The following XPR1 variants were observed in gnomAD, a reference collection of about 807,000 sequenced individuals.
XPR1 encodes the protein xenotropic and polytropic retrovirus receptor 1.
XPR1 carries 28 observed loss-of-function variants against 87.5 expected under a neutral mutation model. The ratio of observed to expected loss-of-function variants is 0.32; its 90% CI spans 0.24 to 0.44. The LOEUF is 0.44. Ranked by LOEUF, XPR1 falls within the 20% of genes least tolerant of loss-of-function variation. The pLI is 1.00. For missense variants in XPR1, 559 were observed against 862.3 expected (o/e 0.65, Z 4.41); for synonymous variants, 300 against 306.1 (o/e 0.98, Z 0.21).
intron 2 of XPR1, among the ~76,000 whole-genome samples, chr1:180,730,433 G>C (rs1658512526): frequency 6.6e-6 from 1 of 152,170 alleles, no homozygotes; most frequent in Non-Finnish European, 1.5e-5. Context: ...TATTGAAACT[G>C]TGTATTCTAC....
chr1:180,747,370 T>G (rs952103876), intron 2 of XPR1, among the ~76,000 whole-genome samples: 4 of 152,220 alleles, frequency 2.6e-5, no homozygotes, highest in African/African-American at 4.8e-5. Flanking sequence ...GCACCTATTG[T>G]TTCAAGCCTC....
Position 180,825,288 on chromosome 1 carries a change from A to C in XPR1, c.1078A>C (p.Ile360Leu), listed in dbSNP as rs761320503. The part of the protein sequence containing the change: ...ALYGFMVFFL[I>L]NPTKTFYYKS... The stretch of plus-strand genomic sequence containing the variant: ...TTATGGATTTATGGTTTTCTTCCTT[A>C]TCAACCCCACCAAAACTTTCTACTA... The change falls in exon 9 of 15, where the codon ATC becomes CTC. Residue 360 changes from isoleucine (I) to leucine (L), a missense_variant. Ile to Leu is a conservative substitution (Grantham distance 5). Transcript: ENST00000367590. The C allele has an allele frequency of 6.2e-7, 1 of 1,613,924 alleles. No individual in the cohort carries two copies. The highest frequency in any genetic ancestry group is 1.1e-5 in the South Asian group (1 of 91,036).
intron 2 of XPR1, among the ~76,000 whole-genome samples, chr1:180,737,690 A>G (rs150537075): frequency 6.6e-6 from 1 of 152,358 alleles, no homozygotes; most frequent in East Asian, 1.9e-4. Context: ...AGAATGTCAT[A>G]TAAATAGAAT....
At chr1:180,660,319 GT>G (rs1241076667) in intron 1 of XPR1, among the ~76,000 whole-genome samples, 1 of 151,714 alleles carries the variant, frequency 6.6e-6, no homozygotes, top group Non-Finnish European at 1.5e-5. Context: ...CCAACTTTTT[GT>G]TTCATTAATT....
At chr1:180,662,036 G>A (rs1314518707) in intron 1 of XPR1, among the ~76,000 whole-genome samples, 1 of 152,116 alleles carries the variant, frequency 6.6e-6, no homozygotes, top group African/African-American at 2.4e-5. Context: ...ATTTTACTAT[G>A]TGTTGAAAAG....
intron 2 of XPR1, among the ~76,000 whole-genome samples, chr1:180,785,874 A>G (rs898011995): frequency 4.0e-5 from 6 of 151,694 alleles, no homozygotes; most frequent in East Asian, 1.9e-4. Context: ...TATATCAGCT[A>G]TAGCTAGATG....
chr1:180,665,015 A>G (rs1272980792), intron 1 of XPR1, among the ~76,000 whole-genome samples: 1 of 152,204 alleles, frequency 6.6e-6, no homozygotes, highest in Non-Finnish European at 1.5e-5. Context: ...CACTTCCTAT[A>G]TTCATCCATT....
intron 1 of XPR1, among the ~76,000 whole-genome samples, chr1:180,638,975 G>A (rs1654874475): frequency 1.3e-5 from 2 of 152,098 alleles, no homozygotes; most frequent in Admixed American, 6.5e-5. Context: ...AAGCAAGTGT[G>A]GTATGTATAG....
intron 7 of XPR1, among the ~76,000 whole-genome samples, chr1:180,818,972 C>T (rs975990040): frequency 6.6e-6 from 1 of 152,048 alleles, no homozygotes; most frequent in Non-Finnish European, 1.5e-5. Context: ...CCTTCAGAGA[C>T]AGGGTCTCTC....
chr1:180,787,711 C>T, intron 2 of XPR1, 42 bp from the exon 3 acceptor site: 1 of 1,383,100 alleles, frequency 7.2e-7, no homozygotes, highest in South Asian at 1.3e-5. Context: ...TCTCAATTGG[C>T]CTTTGGACAT....
rs576046027 is a variant in XPR1, at chr1:180,722,390, G to A, written c.121+39979G>A. Among the ~76,000 whole-genome samples the A allele has an allele frequency of 1.2e-4, 18 of 152,134 alleles. No homozygotes were observed. In the South Asian group the frequency reaches 2.9e-3, roughly 25 times the overall value. The stretch of plus-strand genomic sequence containing the variant: ...ATTACAGACATGAGCCACCGCGCCC[G>A]GCCCTTAAAATGTTACTTTAAATTA... On this transcript the variant is annotated intron_variant, in intron 2 of 14. Transcript: ENST00000367590.
At chr1:180,853,823 A>AT (rs1178418974) in intron 11 of XPR1, among the ~76,000 whole-genome samples, 1 of 45,480 alleles carries the variant, frequency 2.2e-5, no homozygotes, top group Non-Finnish European at 4.9e-5. Context: ...ATTTTGTTGT[A>AT]TTTTGTTCGT....
intron 1 of XPR1, among the ~76,000 whole-genome samples, chr1:180,639,495 C>G (rs1654898085): frequency 6.6e-6 from 1 of 152,052 alleles, no homozygotes; most frequent in Non-Finnish European, 1.5e-5. Context: ...GATATAAATC[C>G]TAAAATCCAG....
intron 2 of XPR1, among the ~76,000 whole-genome samples, chr1:180,754,607 C>T (rs1230151350): frequency 2.0e-5 from 3 of 151,822 alleles, no homozygotes; most frequent in Admixed American, 1.3e-4. Context: ...ACTGTAGGTG[C>T]GCATCACCAT....
At chr1:180,637,068 A>AAGG (rs1553231123) in intron 1 of XPR1, among the ~76,000 whole-genome samples, 4 of 130,530 alleles carry the variant, frequency 3.1e-5, no homozygotes, top group African/African-American at 1.4e-4. Flanking sequence ...AAAAAAAAAA[A>AAGG]AAAGGAAAAG....
At chr1:180,659,765 C>T (rs1052867813) in intron 1 of XPR1, among the ~76,000 whole-genome samples, 2 of 152,042 alleles carry the variant, frequency 1.3e-5, no homozygotes, top group African/African-American at 4.8e-5. Flanking sequence ...GATCCACCTG[C>T]CTCAGCCTCC....
chr1:180,646,981 T>C (rs1655140828), intron 1 of XPR1, among the ~76,000 whole-genome samples: 1 of 152,248 alleles, frequency 6.6e-6, no homozygotes, highest in South Asian at 2.1e-4. Flanking sequence ...TGATTTATTA[T>C]GGTCTCTGTG....
Position 180,832,483 on chromosome 1 carries a change from G to A in XPR1, c.1135-2391G>A, listed in dbSNP as rs111839222. 2.4e-3 allele frequency among the ~76,000 whole-genome samples: 371 copies of A among 152,244 alleles called. 3 individuals are homozygous for A. The highest frequency in any genetic ancestry group is 0.01 in the Middle Eastern group (3 of 294). ...TTTGCTCATGCCTATGTCTTGAATGGTATTGCCTAGATTTTCTTCTAGAGT... is the reference window on the plus strand; with the variant it reads ...TTTGCTCATGCCTATGTCTTGAATGATATTGCCTAGATTTTCTTCTAGAGT... On this transcript the variant is annotated intron_variant, in intron 9 of 14. Transcript: ENST00000367590.
chr1:180,778,894 A>G (rs1455358243), intron 2 of XPR1, among the ~76,000 whole-genome samples: 1 of 152,200 alleles, frequency 6.6e-6, no homozygotes, highest in Non-Finnish European at 1.5e-5. Context: ...AAAACTCATC[A>G]ATATTTTCCA....
Sources: gnomAD v4.1 joint callset for allele counts (sites outside exome capture counted in the v4.1 genomes callset) on GRCh38, gnomAD v4.1.1 for gene constraint, MANE v1.5 for transcripts, NCBI Gene and HGNC (gene_info 2026-07-23, HGNC 2026-07-21) for gene names.